ANKRD30A: variants seen among roughly 807,000 people sequenced by gnomAD.
ANKRD30A encodes the protein ankyrin repeat domain 30A.
A neutral mutation model predicts 166.3 loss-of-function variants in ANKRD30A; 170 were observed. The observed-to-expected ratio is 1.02, with a 90% CI of 0.90 to 1.16. The LOEUF (loss-of-function observed/expected upper bound fraction) is 1.16. Among genes scored for constraint, ANKRD30A ranks in the 50% most tolerant of loss-of-function variants. The pLI, the probability that ANKRD30A is intolerant of heterozygous loss-of-function variation, is 0.00. For synonymous variants in ANKRD30A, 564 were observed against 508.9 expected (o/e 1.11, Z -1.46); for missense variants, 1,630 against 1,518.0 (o/e 1.07, Z -1.23).
chr10:37,129,056 TAAA>T (rs1266322323), intron 1 of ANKRD30A, among the ~76,000 whole-genome samples: 1 of 152,188 alleles, frequency 6.6e-6, no homozygotes, highest in African/African-American at 2.4e-5. Flanking sequence ...TTAAAAATAT[TAAA>T]GAAGTACTTT....
chr10:37,152,165 A>T, intron 12 of ANKRD30A, 44 bp downstream of exon 12: 1 of 1,460,336 alleles, frequency 6.8e-7, no homozygotes, highest in African/African-American at 1.4e-5. Context: ...GTATTGCATG[A>T]TATGAAAACA....
intron 27 of ANKRD30A, among the ~76,000 whole-genome samples, chr10:37,196,273 G>T (rs191811913): frequency 1.3e-5 from 2 of 151,828 alleles, no homozygotes. Flanking sequence ...AGAGACTACC[G>T]GAAGCAGGAG....
At chr10:37,147,724 A>G (rs1322921710) in intron 9 of ANKRD30A, among the ~76,000 whole-genome samples, 2 of 152,194 alleles carry the variant, frequency 1.3e-5, no homozygotes, top group Non-Finnish European at 2.9e-5. Flanking sequence ...GAAAAGGAGT[A>G]AAAAGGGAAT....
rs1841593014 is a variant in ANKRD30A, at chr10:37,201,165, A to T, written c.2779-70A>T. On this transcript the variant is annotated intron_variant, in intron 30 of 35. Transcript: ENST00000361713. ...TTTTTTTTAAAAAAAGATTTTAATT[A>T]GGAAATTTTGATAATCTTCATTATT... The T allele has an allele frequency of 4.0e-6, 5 of 1,255,524 alleles. No individual in the cohort carries two copies. The East Asian group carries it at 1.4e-4, about 35-fold the overall frequency. The allele number at this position is 1,255,524 out of a possible 1,614,324, so 77.8% of individuals were successfully genotyped here.
intron 25 of ANKRD30A, among the ~76,000 whole-genome samples, chr10:37,192,550 A>C (rs1045742543): frequency 6.6e-6 from 1 of 152,068 alleles, no homozygotes; most frequent in Non-Finnish European, 1.5e-5. Flanking sequence ...GTACATTTGT[A>C]CCTTTGAACT....
Position 37,167,287 on chromosome 10 carries a change from A to AATATAT in ANKRD30A, c.2155+602_2155+607dup, listed in dbSNP as rs61480898. On this transcript the variant is annotated intron_variant, in intron 19 of 35. Transcript: ENST00000361713. ...TTTTCTTTATTACTATGAGGCGTCAAATATATATATATATAGATGTGTGCA... is the reference window on the plus strand; with the variant it reads ...TTTTCTTTATTACTATGAGGCGTCAAATATATATATATATATATATAGATGTGTGCA... Among the ~76,000 whole-genome samples, 36 of 126,674 alleles carry AATATAT rather than the reference A, an allele frequency of 2.8e-4. 4 individuals are homozygous for AATATAT. The highest frequency in any genetic ancestry group is 7.7e-4 in the African/African-American group (22 of 28,586). The allele number at this position is 126,674 out of a possible 152,430, so 83.1% of individuals were successfully genotyped here.
chr10:37,192,040 GT>G (rs992989433), intron 25 of ANKRD30A, among the ~76,000 whole-genome samples: 2 of 149,538 alleles, frequency 1.3e-5, no homozygotes, highest in African/African-American at 2.6e-5. Flanking sequence ...CACATTACAT[GT>G]TTTTTCTTTT....
intron 15 of ANKRD30A, among the ~76,000 whole-genome samples, chr10:37,161,311 G>A (rs1838846586): frequency 1.3e-5 from 2 of 152,036 alleles, no homozygotes; most frequent in South Asian, 4.1e-4. Flanking sequence ...TTTAGCCAGA[G>A]AAGAAGAAGA....
Position 37,162,658 on chromosome 10 carries a change from G to T in ANKRD30A, c.1910G>T (p.Gly637Val). 1 of 1,611,522 alleles carries T rather than the reference G, an allele frequency of 6.2e-7. No homozygotes were observed. Among genetic ancestry groups the T allele is most frequent in the Middle Eastern group, 2.1e-4 (1 of 4,860 alleles). Reference protein sequence around the residue: ...DMQTFKAEPPGKPSAFEPATE... With the variant: ...DMQTFKAEPPVKPSAFEPATE... Reference sequence around the variant, plus strand: ...CTCTTTTGCTTTTTAGAGCCTCCGGGGAAGCCATCTGCCTTCGAGGTATTT... The same window carrying T: ...CTCTTTTGCTTTTTAGAGCCTCCGGTGAAGCCATCTGCCTTCGAGGTATTT... The change falls in exon 16 of 36, where the codon GGG becomes GTG. Residue 637 changes from glycine (G) to valine (V), a missense_variant. This residue lies in a region of ANKRD30A where 904 missense variants were observed against 818.5 expected (regional missense o/e 1.10). Transcript: ENST00000361713.
At chr10:37,191,791 CCAGACCATCCTGGCTAACA>C (rs1352289315) in intron 25 of ANKRD30A, among the ~76,000 whole-genome samples, 5 of 151,826 alleles carry the variant, frequency 3.3e-5, no homozygotes, top group African/African-American at 1.2e-4. Flanking sequence ...GTCAGGAGAT[CCAGACCATCCTGGCTAACA>C]TGGTGAAACC....
At chr10:37,235,978 C>A (rs1323052535), downstream of ANKRD30A, among the ~76,000 whole-genome samples, 1 of 151,976 alleles carries the variant, frequency 6.6e-6, no homozygotes, top group Non-Finnish European at 1.5e-5. Flanking sequence ...CTGTGTTAGC[C>A]AGGATGGTCT....
intron 19 of ANKRD30A, among the ~76,000 whole-genome samples, chr10:37,168,033 C>T (rs1248095897): frequency 1.9e-5 from 1 of 52,464 alleles, no homozygotes; most frequent in African/African-American, 8.1e-5. Flanking sequence ...GATCAGTTGT[C>T]TCCTTATCAG....
chr10:37,252,109 G>A, the ANKRD30A span, among the ~76,000 whole-genome samples: 1 of 152,134 alleles, frequency 6.6e-6, no homozygotes, highest in Non-Finnish European at 1.5e-5. Flanking sequence ...TTATTGGCAG[G>A]AGAATGAAAA....
At chr10:37,236,851 T>C (rs1843694961), downstream of ANKRD30A, among the ~76,000 whole-genome samples, 1 of 152,190 alleles carries the variant, frequency 6.6e-6, no homozygotes, top group South Asian at 2.1e-4. Flanking sequence ...AAATTAATAG[T>C]TTTTCTAAAA....
chr10:37,189,385 AAG>A (rs1427157087), intron 24 of ANKRD30A, 80 bp from the exon 25 acceptor site: 13 of 388,696 alleles, frequency 3.3e-5, no homozygotes, highest in Admixed American at 4.9e-5. Context: ...GTTTTTAAAA[AAG>A]AATTTAATTA....
At chr10:37,134,417 G>A (rs1836554373) in intron 5 of ANKRD30A, among the ~76,000 whole-genome samples, 1 of 152,110 alleles carries the variant, frequency 6.6e-6, no homozygotes, top group Non-Finnish European at 1.5e-5. Context: ...CAAAAGGATT[G>A]GGGGCAGAAA....
chr10:37,212,063 A>T (rs1219080170), intron 31 of ANKRD30A, among the ~76,000 whole-genome samples: 2 of 152,038 alleles, frequency 1.3e-5, no homozygotes, highest in East Asian at 3.9e-4. Flanking sequence ...CAATTAGGGA[A>T]AGAGGAAGTT....
intron 12 of ANKRD30A, among the ~76,000 whole-genome samples, chr10:37,152,742 C>A (rs1345274222): frequency 1.3e-5 from 2 of 151,964 alleles, no homozygotes; most frequent in Admixed American, 6.6e-5. Context: ...CCTCTTATGG[C>A]AGTCAAGCTG....
chr10:37,127,046 CAAAAAA>C (rs71007622), intron 1 of ANKRD30A, among the ~76,000 whole-genome samples: 5 of 16,498 alleles, frequency 3.0e-4, no homozygotes, highest in African/African-American at 6.8e-4. Flanking sequence ...AACTCTGTCT[CAAAAAA>C]AAAAAAAAAA....
Sources: gnomAD v4.1 joint callset for allele counts (sites outside exome capture counted in the v4.1 genomes callset) on GRCh38, gnomAD v4.1.1 for gene constraint, gnomAD v4.1.1 regional missense constraint, MANE v1.5 for transcripts, NCBI Gene and HGNC (gene_info 2026-07-23, HGNC 2026-07-21) for gene names.